PKP2: variants seen among roughly 807,000 people sequenced by gnomAD.
The protein encoded by PKP2 is plakophilin 2.
In PKP2, 73 loss-of-function variants were observed where a neutral mutation model predicts 83.4. The ratio of observed to expected loss-of-function variants is 0.88; its 90% CI spans 0.72 to 1.06. PKP2 has a LOEUF of 1.06. PKP2 is among the 50% of genes least tolerant of loss of function. PKP2 has a pLI of 0.00. For missense variants in PKP2, 966 were observed against 1,065.4 expected (o/e 0.91, Z 1.30); for synonymous variants, 409 against 430.4 (o/e 0.95, Z 0.62).
chr12:32,805,435 G>C (rs1592730846), intron 9 of PKP2, among the ~76,000 whole-genome samples: 1 of 151,882 alleles, frequency 6.6e-6, no homozygotes, highest in Admixed American at 6.6e-5. Flanking sequence ...TTATAGTTTT[G>C]GGTTTTACAT....
chr12:32,891,183 A>G (rs763093733), intron 1 of PKP2, among the ~76,000 whole-genome samples: 3 of 152,134 alleles, frequency 2.0e-5, no homozygotes, highest in Non-Finnish European at 4.4e-5. Context: ...TTATCTTCAT[A>G]TATTTGTAGA....
chr12:32,816,451 G>C (rs1285812643), intron 9 of PKP2, among the ~76,000 whole-genome samples: 1 of 152,126 alleles, frequency 6.6e-6, no homozygotes, highest in Non-Finnish European at 1.5e-5. Flanking sequence ...TCATTGCAGG[G>C]TGCATATGTA....
intron 11 of PKP2, among the ~76,000 whole-genome samples, chr12:32,794,645 T>A (rs1956104637): frequency 6.6e-6 from 1 of 152,278 alleles, no homozygotes; most frequent in Admixed American, 6.5e-5. Context: ...AGCATCATAC[T>A]ATCTTACGGT....
chr12:32,819,081 C>G (rs1956347877), intron 9 of PKP2, among the ~76,000 whole-genome samples: 1 of 151,852 alleles, frequency 6.6e-6, no homozygotes, highest in South Asian at 2.1e-4. Flanking sequence ...AGTTTGAGAC[C>G]AGCCTGGCCA....
chr12:32,812,925 C>T (rs1259557960), intron 9 of PKP2, among the ~76,000 whole-genome samples: 1 of 152,174 alleles, frequency 6.6e-6, no homozygotes, highest in African/African-American at 2.4e-5. Flanking sequence ...TTAACTTGAT[C>T]GCAGTCCTTG....
chr12:32,848,056 C>T (rs1266650958), intron 5 of PKP2, among the ~76,000 whole-genome samples: 1 of 152,232 alleles, frequency 6.6e-6, no homozygotes, highest in Non-Finnish European at 1.5e-5. Flanking sequence ...TTAATTTCTA[C>T]AGGCATTTGA....
In PKP2 at chr12:32,896,509, C is replaced by G. The variant is rs765852160; in HGVS notation, c.223G>C (p.Gly75Arg). 8 of 1,517,314 alleles carry G rather than the reference C, an allele frequency of 5.3e-6. No individual in the cohort carries two copies. Among genetic ancestry groups the G allele is most frequent in the Non-Finnish European group, 7.0e-6 (8 of 1,135,952 alleles). 94.0% of individuals were successfully genotyped at this position (1,517,314 alleles called of 1,614,324 possible). Residue 75 changes from glycine to arginine, a missense_variant and splice_region_variant, in exon 1 of 13, where the codon GGA (glycine) becomes CGA (arginine). Physicochemically the swap from Gly to Arg is moderately radical, Grantham distance 125 (BLOSUM62 -2). Coordinates refer to ENST00000340811, the MANE Select transcript of PKP2 (RefSeq NM_001005242.3). ...CCGGGGAGCGGCGGGCTCCACTCAC[C>G]GTTGCCCACGGAGCTGCGGCCCTTC... The part of the protein sequence containing the change: ...ARKGRSSVGN[G>R]NLHRTSSVPE...
chr12:32,878,359 G>A lies in PKP2; in HGVS notation c.521C>T (p.Ala174Val), dbSNP rs754395430. 5 of 1,613,494 alleles carry A rather than the reference G, an allele frequency of 3.1e-6. No homozygotes were observed. In the South Asian group the frequency reaches 5.5e-5, roughly 18 times the overall value. ...TTCTTGGTGGTGCAGGGTGTGCCCAGCCTGGCTTCTCTGGCTGTACTGGTA... is the reference window on the plus strand; with the variant it reads ...TTCTTGGTGGTGCAGGGTGTGCCCAACCTGGCTTCTCTGGCTGTACTGGTA... Reference protein sequence around the residue: ...SDYQYSQRSQAGHTLHHQESR... With the variant: ...SDYQYSQRSQVGHTLHHQESR... Residue 174 changes from alanine to valine, a missense_variant, in exon 3 of 13, where the codon GCT becomes GTT. Ala to Val is a moderately conservative substitution (Grantham distance 64). Transcript: ENST00000340811.
chr12:32,812,123 T>C (rs1031399956), intron 9 of PKP2, among the ~76,000 whole-genome samples: 1 of 151,224 alleles, frequency 6.6e-6, no homozygotes, highest in Non-Finnish European at 1.5e-5. Context: ...TTTTTTTTTT[T>C]TTTTTTTTCT....
intron 1 of PKP2, among the ~76,000 whole-genome samples, chr12:32,881,190 CCAAA>C (rs1443613642): frequency 6.6e-6 from 1 of 152,180 alleles, no homozygotes; most frequent in Non-Finnish European, 1.5e-5. Context: ...TTTCCTATAG[CCAAA>C]CAATCTGCCT....
chr12:32,851,060 T>C (rs933023691), intron 4 of PKP2, 87 bp from the exon 5 acceptor site: 60 of 1,051,616 alleles, frequency 5.7e-5, no homozygotes, highest in Non-Finnish European at 7.2e-6. Context: ...TGAAGTTTAC[T>C]GATGCTGACT....
intron 1 of PKP2, among the ~76,000 whole-genome samples, chr12:32,890,976 A>C (rs1004689050): frequency 2.0e-5 from 3 of 151,924 alleles, no homozygotes; most frequent in Admixed American, 1.3e-4. Flanking sequence ...AAAGAAAAGA[A>C]AAGACACACA....
intron 11 of PKP2, among the ~76,000 whole-genome samples, chr12:32,793,861 C>T (rs1956097141): frequency 6.6e-6 from 1 of 152,072 alleles, no homozygotes; most frequent in Non-Finnish European, 1.5e-5. Flanking sequence ...TCTCATAGTG[C>T]TGGGATTACA....
In PKP2 at chr12:32,829,157, G is replaced by A. The variant is rs11052268; in HGVS notation, c.1557-4995C>T. On this transcript the variant is annotated intron_variant, in intron 6 of 12. Coordinates refer to ENST00000340811, the MANE Select transcript of PKP2 (RefSeq NM_001005242.3). The stretch of plus-strand genomic sequence containing the variant: ...TGCCCAGGCTGGTCTTGAACTCTTC[G>A]CCTCATGTGATCCTCCAGCCTGGCC... Among the ~76,000 whole-genome samples, 7 of 151,938 alleles carry A rather than the reference G, an allele frequency of 4.6e-5. No homozygotes were observed. The East Asian group carries it at 9.7e-4, about 21-fold the overall frequency.
At chr12:32,807,108 G>T (rs1956232709) in intron 9 of PKP2, among the ~76,000 whole-genome samples, 1 of 152,126 alleles carries the variant, frequency 6.6e-6, no homozygotes, top group South Asian at 2.1e-4. Context: ...ATTTGCTAAG[G>T]AGTGTTTTAC....
At chr12:32,825,168 T>TC (rs1956424662) in intron 6 of PKP2, among the ~76,000 whole-genome samples, 2 of 138,878 alleles carry the variant, frequency 1.4e-5, no homozygotes, top group Non-Finnish European at 3.1e-5. Context: ...GTTTCTTTTT[T>TC]TTTTTTTTTT....
chr12:32,804,399 C>T (rs1344165267), intron 9 of PKP2, among the ~76,000 whole-genome samples: 1 of 152,086 alleles, frequency 6.6e-6, no homozygotes, highest in Non-Finnish European at 1.5e-5. Context: ...ACAGATCATC[C>T]AATCACCTAG....
chr12:32,840,847 C>T (rs1032814552), intron 6 of PKP2, among the ~76,000 whole-genome samples, 181 bp downstream of exon 6: 1 of 152,106 alleles, frequency 6.6e-6, no homozygotes, highest in African/African-American at 2.4e-5. Context: ...CACTGTACTC[C>T]AGCCTGGGCA....
chr12:32,890,952 C>CAAAAAAA (rs56900611), intron 1 of PKP2, among the ~76,000 whole-genome samples: 4 of 70,252 alleles, frequency 5.7e-5, no homozygotes, highest in South Asian at 4.5e-4. Context: ...AAGAGCGAAA[C>CAAAAAAA]AAAAAAAAAA....
Sources: allele counts gnomAD v4.1 joint callset (sites outside exome capture counted in the v4.1 genomes callset), GRCh38; gene constraint gnomAD v4.1.1; transcripts MANE v1.5; gene names NCBI Gene and HGNC (gene_info 2026-07-23, HGNC 2026-07-21).